The following SLC49A4 variants were observed in gnomAD, a reference collection of about 807,000 sequenced individuals.
The protein encoded by SLC49A4 is solute carrier family 49 member 4, also known as disrupted in renal cancer protein 2.
SLC49A4 carries 36 observed loss-of-function variants against 50.6 expected under a neutral mutation model. That is an observed-to-expected ratio of 0.71 (90% CI 0.55 to 0.94). The LOEUF (loss-of-function observed/expected upper bound fraction) is 0.94, where lower values mean the gene tolerates loss of function less well. Among genes scored for constraint, SLC49A4 ranks in the 40% least tolerant of loss-of-function variants. The pLI is 0.00. For synonymous variants in SLC49A4, 248 were observed against 241.2 expected, an observed-to-expected ratio of 1.03 and a Z score of -0.26; for missense variants, 503 against 605.7, an observed-to-expected ratio of 0.83 and a Z score of 1.78.
Position 122,807,411 on chromosome 3 carries a change from A to G in SLC49A4, c.437+461A>G, listed in dbSNP as rs151079536. 3.4e-3 allele frequency among the ~76,000 whole-genome samples: 520 copies of G among 152,184 alleles called. 4 individuals are homozygous for G. Among genetic ancestry groups the G allele is most frequent in the African/African-American group, 0.012 (501 of 41,520 alleles). ...GGGAAGGGTATTCCAGGATGGGGGAATAGCAAGAGTGAAGCCATGGAGGCA... is the reference window on the plus strand; with the variant it reads ...GGGAAGGGTATTCCAGGATGGGGGAGTAGCAAGAGTGAAGCCATGGAGGCA... On this transcript the variant is annotated intron_variant, in intron 2 of 8. Transcript: ENST00000261038.
chr3:122,841,006 T>G (rs1327522423), intron 4 of SLC49A4, among the ~76,000 whole-genome samples: 1 of 152,218 alleles, frequency 6.6e-6, no homozygotes, highest in Non-Finnish European at 1.5e-5. Context: ...TTACCATCTC[T>G]TGATCTAAAA....
rs138537302 is a variant in SLC49A4 at position 122,827,426 on chromosome 3, G to A, written c.703+361G>A. ...ATAACCTTTTGTTAAACATCTATCT[G>A]TTGGTAGGTGTTAAGCCCGTTTTCT... is the stretch of plus-strand genomic sequence containing the variant. On this transcript the variant is annotated intron_variant, in intron 3 of 8. Coordinates refer to ENST00000261038, the MANE Select transcript of SLC49A4 (RefSeq NM_032839.3). Among the ~76,000 whole-genome samples the A allele has an allele frequency of 6.3e-3, 965 of 152,274 alleles. 10 individuals carry two copies. Among genetic ancestry groups the A allele is most frequent in the African/African-American group, 0.021 (890 of 41,552 alleles).
At position 122,856,304 on chromosome 3, in the gene SLC49A4, CAGGT is replaced by C. The variant is rs1936988609; in HGVS notation, c.943_946del (p.Val315MetfsTer10). 1 of 1,613,422 alleles carries C rather than the reference CAGGT, an allele frequency of 6.2e-7. No individual in the cohort carries two copies. Among genetic ancestry groups the C allele is most frequent in the African/African-American group, 1.3e-5 (1 of 74,832 alleles). On this transcript the variant is annotated splice_acceptor_variant and coding_sequence_variant, in exon 6 of 9. Transcript: ENST00000261038. LOFTEE classifies it high-confidence loss of function. The stretch of plus-strand genomic sequence containing the variant: ...TTAAATGTGTCTGCTTCTTTCTTAA[CAGGT>C]AGATGCTGGCTGGATTGGATTTTGG...
intron 4 of SLC49A4, 135 bp downstream of exon 4, chr3:122,833,581 T>C (rs2107568284): frequency 1.3e-6 from 1 of 748,076 alleles, no homozygotes; most frequent in East Asian, 3.2e-5. Flanking sequence ...AAAATACTAA[T>C]TGAATATTTT....
In SLC49A4 at chr3:122,872,427, C is replaced by T; in HGVS notation, c.1151C>T (p.Ala384Val). Residue 384 changes from alanine to valine, a missense_variant, in exon 8 of 9, where the codon GCC becomes GTC. By Grantham distance (64) the Ala-to-Val change is moderately conservative. Coordinates refer to ENST00000261038, the MANE Select transcript of SLC49A4 (RefSeq NM_032839.3). ...HLPLTTVTLY[A>V]SCILLGVFLN... is the part of the protein sequence containing the mutation. Reference sequence around the variant, plus strand: ...GTTTTTATTTTAGTGACATTGTATGCCTCCTGTATTCTCCTGGGAGTGTTC... The same window carrying T: ...GTTTTTATTTTAGTGACATTGTATGTCTCCTGTATTCTCCTGGGAGTGTTC... The T allele has an allele frequency of 1.2e-6, 2 of 1,605,172 alleles. No homozygotes were observed. The highest frequency in any genetic ancestry group is 2.3e-5 in the South Asian group (2 of 88,384).
At chr3:122,861,895 G>C (rs1431335536) in intron 7 of SLC49A4, among the ~76,000 whole-genome samples, 1 of 152,222 alleles carries the variant, frequency 6.6e-6, no homozygotes, top group Non-Finnish European at 1.5e-5. Flanking sequence ...CTCTAGTTCA[G>C]AGAAGTTCCC....
chr3:122,867,782 C>G (rs1170346932), intron 7 of SLC49A4, among the ~76,000 whole-genome samples: 2 of 152,120 alleles, frequency 1.3e-5, no homozygotes, highest in Admixed American at 1.3e-4. Flanking sequence ...GAGATCGAGA[C>G]CATCCTGGCT....
At chr3:122,805,075 T>C (rs1397011805) in intron 1 of SLC49A4, among the ~76,000 whole-genome samples, 3 of 152,148 alleles carry the variant, frequency 2.0e-5, no homozygotes, top group Non-Finnish European at 2.9e-5. Context: ...CAGTATCTCG[T>C]AGGGTACCCA....
At chr3:122,818,760 A>G (rs1035532093) in intron 2 of SLC49A4, among the ~76,000 whole-genome samples, 8 of 152,102 alleles carry the variant, frequency 5.3e-5, no homozygotes, top group African/African-American at 1.9e-4. Context: ...CCTGGCTAAC[A>G]TGGTGAAACC....
At chr3:122,800,647 C>T (rs1344017246) in intron 1 of SLC49A4, among the ~76,000 whole-genome samples, 1 of 152,110 alleles carries the variant, frequency 6.6e-6, no homozygotes, top group Non-Finnish European at 1.5e-5. Context: ...GGATGTGGTC[C>T]TCCAGGGCAC....
At chr3:122,867,756 C>T (rs1179942215) in intron 7 of SLC49A4, among the ~76,000 whole-genome samples, 11 of 152,078 alleles carry the variant, frequency 7.2e-5, no homozygotes, top group South Asian at 2.1e-4. Flanking sequence ...CCAAGACAGG[C>T]GGATCACGAG....
chr3:122,819,358 A>G (rs1936420091), intron 2 of SLC49A4, among the ~76,000 whole-genome samples: 1 of 152,168 alleles, frequency 6.6e-6, no homozygotes, highest in African/African-American at 2.4e-5. Context: ...AGTTAAGACT[A>G]GAAGCTAAGC....
At chr3:122,809,811 A>G (rs1936274349) in intron 2 of SLC49A4, among the ~76,000 whole-genome samples, 1 of 152,260 alleles carries the variant, frequency 6.6e-6, no homozygotes, top group Non-Finnish European at 1.5e-5. Flanking sequence ...AAAAGAGTGT[A>G]TAAATTGAAT....
intron 7 of SLC49A4, among the ~76,000 whole-genome samples, chr3:122,861,413 G>C (rs1360878278): frequency 6.6e-6 from 1 of 152,086 alleles, no homozygotes; most frequent in Admixed American, 6.6e-5. Context: ...TATATTATTT[G>C]CAAGTAATAT....
At chr3:122,847,593 C>T (rs1362105216) in intron 5 of SLC49A4, among the ~76,000 whole-genome samples, 2 of 151,972 alleles carry the variant, frequency 1.3e-5, no homozygotes, top group Non-Finnish European at 2.9e-5. Context: ...GATCCGCCCA[C>T]CTAAGCCTCC....
At position 122,826,836 on chromosome 3, in the gene SLC49A4, AG is replaced by A; in HGVS notation, c.476del (p.Gly159ValfsTer4). ...GAGGACAGATGTTAAATGGATTGGC[AG>A]GTCCAACTGTAATGAATGCAGCACC... Reference protein sequence around the residue: ...HGGQMLNGLAGPTVMNAAPFL... With the variant: ...HGGQMLNGLAXPTVMNAAPFL... On this transcript the variant is annotated frameshift_variant, in exon 3 of 9. Transcript: ENST00000261038. LOFTEE classifies it high-confidence loss of function. 6.2e-7 allele frequency: 1 copy of A among 1,614,186 alleles called. No individual in the cohort carries two copies. Among genetic ancestry groups the A allele is most frequent in the Non-Finnish European group, 8.5e-7 (1 of 1,180,004 alleles).
At chr3:122,810,791 T>G (rs776898185) in intron 2 of SLC49A4, among the ~76,000 whole-genome samples, 1 of 152,248 alleles carries the variant, frequency 6.6e-6, no homozygotes, top group African/African-American at 2.4e-5. Context: ...TGTGAAATAC[T>G]TTGCAGCTGG....
At chr3:122,820,576 A>T (rs543950594) in intron 2 of SLC49A4, among the ~76,000 whole-genome samples, 1 of 152,270 alleles carries the variant, frequency 6.6e-6, no homozygotes, top group Non-Finnish European at 1.5e-5. Context: ...ACATTAGAAG[A>T]TGTGAACTGT....
intron 6 of SLC49A4, among the ~76,000 whole-genome samples, chr3:122,856,832 A>G (rs942001032): frequency 1.3e-5 from 2 of 149,240 alleles, no homozygotes; most frequent in African/African-American, 4.9e-5. Flanking sequence ...GTGAGACTCC[A>G]TCTCAAAAAA....
Sources: allele counts gnomAD v4.1 joint callset (sites outside exome capture counted in the v4.1 genomes callset), GRCh38; gene constraint gnomAD v4.1.1; transcripts MANE v1.5; gene names NCBI Gene and HGNC (gene_info 2026-07-23, HGNC 2026-07-21).